SCFD2: variants seen among roughly 807,000 people sequenced by gnomAD.
SCFD2 encodes the protein sec1 family domain-containing protein 2.
In SCFD2, 54 loss-of-function variants were observed where a neutral mutation model predicts 58.9. The observed-to-expected ratio is 0.92, with a 90% confidence interval of 0.74 to 1.15. The LOEUF (loss-of-function observed/expected upper bound fraction) is 1.15. SCFD2 is among the 50% of genes most tolerant of loss of function. The pLI, the probability that SCFD2 is intolerant of heterozygous loss-of-function variation, is 0.00. For synonymous variants in SCFD2, 321 were observed against 335.9 expected, an observed-to-expected ratio of 0.96 and a Z score of 0.49; for missense variants, 805 against 836.6, an observed-to-expected ratio of 0.96 and a Z score of 0.47.
chr4:53,187,188 G>A (rs1727761264), intron 4 of SCFD2, among the ~76,000 whole-genome samples: 1 of 151,968 alleles, frequency 6.6e-6, no homozygotes, highest in South Asian at 2.1e-4. Context: ...ATATACAAAT[G>A]AGAAAAACAT....
intron 2 of SCFD2, among the ~76,000 whole-genome samples, chr4:53,315,647 C>T (rs12512496): frequency 0.057 from 8,646 of 152,212 alleles, 305 homozygotes; most frequent in Middle Eastern, 0.12. Flanking sequence ...AATTGAAGAA[C>T]CATGGAAGAA....
chr4:53,057,585 C>T (rs55844457), intron 5 of SCFD2, among the ~76,000 whole-genome samples: 132 of 152,014 alleles, frequency 8.7e-4, no homozygotes, highest in Middle Eastern at 3.4e-3. Context: ...ACTTAGAGGA[C>T]GGGTCAATAG....
At chr4:53,123,254 A>C (rs1420550458) in intron 5 of SCFD2, among the ~76,000 whole-genome samples, 1 of 152,248 alleles carries the variant, frequency 6.6e-6, no homozygotes, top group Non-Finnish European at 1.5e-5. Context: ...AACAGAAAGC[A>C]AGATTTGCAA....
At chr4:53,213,382 C>A (rs1307354082) in intron 4 of SCFD2, among the ~76,000 whole-genome samples, 4 of 152,034 alleles carry the variant, frequency 2.6e-5, no homozygotes, top group Non-Finnish European at 4.4e-5. Context: ...AAAAATGCGT[C>A]TGACTTGATT....
intron 4 of SCFD2, among the ~76,000 whole-genome samples, chr4:53,260,134 T>A (rs1730786221): frequency 6.6e-6 from 1 of 152,148 alleles, no homozygotes; most frequent in African/African-American, 2.4e-5. Flanking sequence ...TTTGGATGAA[T>A]CTTTAGGGTT....
chr4:52,879,344 G>A (rs991868512), intron 8 of SCFD2, among the ~76,000 whole-genome samples: 2 of 152,202 alleles, frequency 1.3e-5, no homozygotes, highest in Non-Finnish European at 2.9e-5. Context: ...GAGAAATGGG[G>A]TTTTTAATGA....
intron 4 of SCFD2, among the ~76,000 whole-genome samples, chr4:53,269,698 C>T (rs541898235): frequency 6.6e-6 from 1 of 152,120 alleles, no homozygotes; most frequent in African/African-American, 2.4e-5. Flanking sequence ...ATAATATAAT[C>T]TTTTTTGGAA....
chr4:53,319,218 AG>A (rs1732953255), intron 2 of SCFD2, among the ~76,000 whole-genome samples: 1 of 152,350 alleles, frequency 6.6e-6, no homozygotes, highest in Admixed American at 6.5e-5. Flanking sequence ...TTCCGGAAGC[AG>A]GTAAAGCTCT....
At chr4:52,957,208 C>G (rs1720732530) in intron 5 of SCFD2, 1 of 152,150 alleles carries the variant, frequency 6.6e-6, no homozygotes. Flanking sequence ...TCCACCTGAG[C>G]CCTGCAGAGC....
intron 3 of SCFD2, among the ~76,000 whole-genome samples, chr4:53,308,365 C>A (rs187933516): frequency 6.6e-6 from 1 of 152,210 alleles, no homozygotes; most frequent in East Asian, 1.9e-4. Flanking sequence ...ATGTTCTCAT[C>A]CTTTATAAAT....
intron 5 of SCFD2, among the ~76,000 whole-genome samples, chr4:53,035,134 C>T (rs1365404152): frequency 2.0e-5 from 3 of 152,074 alleles, no homozygotes; most frequent in Non-Finnish European, 4.4e-5. Context: ...GAGATATAGA[C>T]CAATGGAACA....
intron 1 of SCFD2, among the ~76,000 whole-genome samples, chr4:53,353,229 T>C (rs1173750067): frequency 1.3e-5 from 2 of 152,176 alleles, no homozygotes; most frequent in Non-Finnish European, 2.9e-5. Context: ...GCGGTGAGTG[T>C]TACAGCTCTT....
At chr4:52,898,093 C>A (rs1010738104) in intron 7 of SCFD2, among the ~76,000 whole-genome samples, 4 of 152,062 alleles carry the variant, frequency 2.6e-5, no homozygotes, top group African/African-American at 7.2e-5. Context: ...TTGATCTTTT[C>A]AAAAAACCAG....
At chr4:53,009,360 G>A (rs1722047354) in intron 5 of SCFD2, among the ~76,000 whole-genome samples, 1 of 152,182 alleles carries the variant, frequency 6.6e-6, no homozygotes, top group Non-Finnish European at 1.5e-5. Context: ...TACTGGTTGA[G>A]AACCACAAAG....
chr4:53,159,759 C>T (rs1304037357), intron 4 of SCFD2, among the ~76,000 whole-genome samples: 1 of 152,160 alleles, frequency 6.6e-6, no homozygotes, highest in African/African-American at 2.4e-5. Flanking sequence ...AGGATGTCAC[C>T]ATGCCATGAC....
chr4:52,999,261 G>A (rs1222136942), intron 5 of SCFD2, among the ~76,000 whole-genome samples: 1 of 152,054 alleles, frequency 6.6e-6, no homozygotes, highest in African/African-American at 2.4e-5. Flanking sequence ...TAATTTCACA[G>A]GACAAAAGAG....
intron 5 of SCFD2, among the ~76,000 whole-genome samples, chr4:52,942,542 A>T (rs1011329188): frequency 1.3e-5 from 2 of 152,152 alleles, no homozygotes; most frequent in Non-Finnish European, 2.9e-5. Flanking sequence ...TGAGCAAATT[A>T]CCTGACTTCT....
At chr4:52,906,318 A>T (rs1156650622) in intron 7 of SCFD2, among the ~76,000 whole-genome samples, 1 of 152,202 alleles carries the variant, frequency 6.6e-6, no homozygotes, top group South Asian at 2.1e-4. Context: ...CTTCAGGGTA[A>T]AGCCATGCCT....
At chr4:53,105,495 GTC>G (rs1560337785) in intron 5 of SCFD2, among the ~76,000 whole-genome samples, 14 of 152,328 alleles carry the variant, frequency 9.2e-5, no homozygotes, top group African/African-American at 2.4e-4. Context: ...CTCGACCTTG[GTC>G]GGGGGAGGGG....
Sources: gnomAD v4.1 joint callset for allele counts (sites outside exome capture counted in the v4.1 genomes callset) on GRCh38, gnomAD v4.1.1 for gene constraint, MANE v1.5 for transcripts, NCBI Gene and HGNC (gene_info 2026-07-23, HGNC 2026-07-21) for gene names.